The following OTUD7A variants were observed in gnomAD, a reference collection of about 807,000 sequenced individuals.
The protein encoded by OTUD7A is OTU domain-containing protein 7A.
A neutral mutation model predicts 65.7 loss-of-function variants in OTUD7A; 12 were observed. The observed-to-expected ratio is 0.18, with a 90% CI of 0.12 to 0.30. The LOEUF (loss-of-function observed/expected upper bound fraction) is 0.30, where lower values mean the gene tolerates loss of function less well. Among genes scored for constraint, OTUD7A ranks in the 10% least tolerant of loss-of-function variants. The pLI, the probability that OTUD7A is intolerant of heterozygous loss-of-function variation, is 1.00. For synonymous variants in OTUD7A, 641 were observed against 586.3 expected (o/e 1.09, Z -1.35); for missense variants, 1,148 against 1,304.8 (o/e 0.88, Z 1.85).
rs746449396 is a variant in OTUD7A, at chr15:31,484,602, CTTGCCGTTA to C, written c.1485_1493del (p.Asn495_Gly497del). The C allele has an allele frequency of 2.8e-5, 45 of 1,606,994 alleles. No individual in the cohort carries two copies. In the Admixed American group the frequency reaches 3.2e-4, roughly 11 times the overall value. Reference sequence around the variant, plus strand: ...TCTCCTTCTCCTTGTCCTTGCCGTTCTTGCCGTTATTGCTGTTAGAATTGCTGCACACCG... The same window carrying C: ...TCTCCTTCTCCTTGTCCTTGCCGTTCTTGCTGTTAGAATTGCTGCACACCG... On this transcript the variant is annotated inframe_deletion, in exon 13 of 13. Coordinates refer to ENST00000307050, the MANE Select transcript of OTUD7A (RefSeq NM_001382637.1). This position sits in a 1 kb window ranked among gnomAD's most constrained non-coding sequence, Gnocchi z 4.5.
intron 1 of OTUD7A, among the ~76,000 whole-genome samples, chr15:31,723,483 T>C (rs1332690590): frequency 7.6e-6 from 1 of 131,542 alleles, no homozygotes; most frequent in Non-Finnish European, 1.6e-5. Context: ...ACGCAAGTCA[T>C]ACATCCTTCT....
At chr15:31,740,292 T>C (rs866939935) in intron 1 of OTUD7A, among the ~76,000 whole-genome samples, 89 of 152,190 alleles carry the variant, frequency 5.8e-4, no homozygotes, top group African/African-American at 2.1e-3. Context: ...GCCTCTCGGG[T>C]TGCCGGAAGC....
rs765968610 is a variant in OTUD7A at position 31,782,708 on chromosome 15, C to T, written c.-100+87799G>A. Among the ~76,000 whole-genome samples the T allele has an allele frequency of 2.0e-5, 3 of 152,108 alleles. No individual in the cohort carries two copies. In the East Asian group the frequency reaches 5.8e-4, roughly 29 times the overall value. On this transcript the variant is annotated intron_variant, in intron 1 of 12. Coordinates refer to ENST00000307050, the MANE Select transcript of OTUD7A (RefSeq NM_001382637.1). Reference sequence around the variant, plus strand: ...TTTGGTGAATAACTTCTCGTGACTTCATGACTGATTGGCTTGGGGGTACAG... The same window carrying T: ...TTTGGTGAATAACTTCTCGTGACTTTATGACTGATTGGCTTGGGGGTACAG...
Position 31,769,212 on chromosome 15 carries a change from C to A in OTUD7A, c.-100+101295G>T, listed in dbSNP as rs573732198. The stretch of plus-strand genomic sequence containing the variant: ...TAATGGAATCAAAGCTACAGTAGTT[C>A]TATTAACATCAGATATATTGTCATC... On this transcript the variant is annotated intron_variant, in intron 1 of 12. Transcript: ENST00000307050. 8.4e-4 allele frequency among the ~76,000 whole-genome samples: 128 copies of A among 152,250 alleles called. 1 individual carries two copies. The highest frequency in any genetic ancestry group is 2.9e-3 in the African/African-American group (121 of 41,562).
intron 1 of OTUD7A, among the ~76,000 whole-genome samples, chr15:31,834,470 T>C (rs371964490): frequency 2.1e-4 from 32 of 152,386 alleles, no homozygotes; most frequent in African/African-American, 7.5e-4. Flanking sequence ...ACATTTTTAA[T>C]GGGAGTAAAA....
intron 5 of OTUD7A, chr15:31,557,828 T>C (rs1888548032): frequency 6.6e-6 from 1 of 152,090 alleles, no homozygotes; most frequent in South Asian, 2.1e-4. Flanking sequence ...TAGAAAGTGC[T>C]TGGTAATTTT....
At chr15:31,541,360 T>G (rs2141135463) in intron 5 of OTUD7A, among the ~76,000 whole-genome samples, 1 of 152,326 alleles carries the variant, frequency 6.6e-6, no homozygotes, top group African/African-American at 2.4e-5. Flanking sequence ...AAACCCTCAT[T>G]GATTTTTACT....
rs1359480826 is a variant in OTUD7A at position 31,657,051 on chromosome 15, G to A, written c.-73C>T. On this transcript the variant is annotated 5_prime_UTR_variant, in exon 2 of 13. Coordinates refer to ENST00000307050, the MANE Select transcript of OTUD7A (RefSeq NM_001382637.1). ...CTCCATGCACTGGGGCCTCGGCCGGGAGAGTCTCTTCTTTCGTCACTGCCA... is the reference window on the plus strand; with the variant it reads ...CTCCATGCACTGGGGCCTCGGCCGGAAGAGTCTCTTCTTTCGTCACTGCCA... 1 of 152,660 alleles carries A rather than the reference G, an allele frequency of 6.6e-6. No individual in the cohort carries two copies. Among genetic ancestry groups the A allele is most frequent in the Non-Finnish European group, 1.5e-5 (1 of 68,052 alleles). The allele number at this position is 152,660 out of a possible 1,614,324, so 9.5% of individuals were successfully genotyped here. A position where few individuals can be genotyped will look rare whatever the true frequency, so the allele number is the denominator to read the frequency against.
chr15:31,558,801 A>G lies in OTUD7A; in HGVS notation c.550+168T>C, dbSNP rs1034372165. ...CTCCATCCAGCCCATGCTGGCTAGA[A>G]CACTGTCGGCCCGTAGAGCAGGAGG... On this transcript the variant is annotated intron_variant, in intron 5 of 12. Coordinates refer to ENST00000307050, the MANE Select transcript of OTUD7A (RefSeq NM_001382637.1). 3 of 723,096 alleles carry G rather than the reference A, an allele frequency of 4.1e-6. No individual in the cohort carries two copies. In the Admixed American group the frequency reaches 7.7e-5, roughly 18 times the overall value. The allele number at this position is 723,096 out of a possible 1,614,324, so 44.8% of individuals were successfully genotyped here.
At chr15:31,817,975 G>C (rs1262020244) in intron 1 of OTUD7A, among the ~76,000 whole-genome samples, 1 of 152,184 alleles carries the variant, frequency 6.6e-6, no homozygotes, top group African/African-American at 2.4e-5. Flanking sequence ...CCTTAGAAGA[G>C]AGCCGTCAGA....
intron 8 of OTUD7A, among the ~76,000 whole-genome samples, chr15:31,504,770 C>T (rs951120264): frequency 2.0e-5 from 3 of 152,188 alleles, no homozygotes; most frequent in African/African-American, 7.2e-5. Context: ...GGTTCATGGG[C>T]ACAGTTCCCA....
chr15:31,578,606 C>T (rs368263024), intron 3 of OTUD7A, among the ~76,000 whole-genome samples: 3 of 151,388 alleles, frequency 2.0e-5, no homozygotes, highest in East Asian at 3.9e-4. Context: ...GGCTGGAGTG[C>T]CGTGGTGCAA....
intron 5 of OTUD7A, among the ~76,000 whole-genome samples, chr15:31,546,503 C>A (rs1446160612): frequency 6.6e-6 from 1 of 152,190 alleles, no homozygotes; most frequent in Non-Finnish European, 1.5e-5. Context: ...CTGTCCCCCA[C>A]CCCAAGGCAT....
At chr15:31,813,476 T>C (rs1292407981) in intron 1 of OTUD7A, among the ~76,000 whole-genome samples, 1 of 152,200 alleles carries the variant, frequency 6.6e-6, no homozygotes, top group Admixed American at 6.5e-5. Flanking sequence ...CATTCGTGTC[T>C]TACCCTCCCC....
intron 3 of OTUD7A, among the ~76,000 whole-genome samples, chr15:31,592,557 G>A (rs1245543517): frequency 6.6e-6 from 1 of 151,848 alleles, no homozygotes; most frequent in Non-Finnish European, 1.5e-5. Context: ...TGAAGGACCT[G>A]CCTGAGGCCA....
At chr15:31,728,438 T>C (rs1893953566) in intron 1 of OTUD7A, among the ~76,000 whole-genome samples, 1 of 152,248 alleles carries the variant, frequency 6.6e-6, no homozygotes, top group Admixed American at 6.5e-5. Flanking sequence ...GGTTCATACT[T>C]TTCCTTCACC....
At position 31,867,763 on chromosome 15, in the gene OTUD7A, C is replaced by G. The variant is rs565145634; in HGVS notation, c.-100+2744G>C. ...GAGACTCAAAGTGTGCTAAGAGCCA[C>G]CTTCCAAAGACATGGAGCCACTGAA... On this transcript the variant is annotated intron_variant, in intron 1 of 12. Coordinates refer to ENST00000307050, the MANE Select transcript of OTUD7A (RefSeq NM_001382637.1). 3.9e-5 allele frequency among the ~76,000 whole-genome samples: 6 copies of G among 152,332 alleles called. No individual in the cohort carries two copies. The South Asian group carries it at 1.2e-3, about 32-fold the overall frequency.
At chr15:31,597,979 G>A (rs1029369338) in intron 3 of OTUD7A, among the ~76,000 whole-genome samples, 26 of 152,138 alleles carry the variant, frequency 1.7e-4, no homozygotes, top group African/African-American at 6.3e-4. Flanking sequence ...GAAGAGCAGC[G>A]TGTTTCCAGT....
intron 1 of OTUD7A, among the ~76,000 whole-genome samples, chr15:31,849,897 A>G (rs1194952351): frequency 6.6e-6 from 1 of 152,218 alleles, no homozygotes; most frequent in Non-Finnish European, 1.5e-5. Flanking sequence ...AAAGTCAGGA[A>G]ACAACAGGTC....
Sources: allele counts gnomAD v4.1 joint callset (sites outside exome capture counted in the v4.1 genomes callset), GRCh38; gene constraint gnomAD v4.1.1; non-coding constraint Gnocchi (gnomAD v3.1); transcripts MANE v1.5; gene names NCBI Gene and HGNC (gene_info 2026-07-23, HGNC 2026-07-21).